The following TRAM2 variants were observed in gnomAD, a reference collection of about 807,000 sequenced individuals.
TRAM2 encodes the protein translocation associated membrane protein 2, also known as translocating chain-associated membrane protein 2.
TRAM2 carries 12 observed loss-of-function variants against 51.0 expected under a neutral mutation model. That is an observed-to-expected ratio of 0.24 (90% CI 0.15 to 0.38). TRAM2 has a LOEUF of 0.38. Among genes scored for constraint, TRAM2 ranks in the 10% least tolerant of loss-of-function variants. The probability of loss-of-function intolerance (pLI) is 1.00; values close to 1 mark genes in which losing one functional copy is unlikely to be tolerated. For missense variants in TRAM2, 361 were observed against 462.0 expected, an observed-to-expected ratio of 0.78 and a Z score of 2.00; for synonymous variants, 175 against 179.4, an observed-to-expected ratio of 0.98 and a Z score of 0.20.
intron 1 of TRAM2, among the ~76,000 whole-genome samples, chr6:52,548,861 A>G (rs1581696268): frequency 6.6e-6 from 1 of 152,342 alleles, no homozygotes; most frequent in East Asian, 1.9e-4. Context: ...GTCTTTATTT[A>G]TCTCCATACC....
At chr6:52,526,152 GACACACACACACACACACAC>G (rs775593303) in intron 2 of TRAM2, among the ~76,000 whole-genome samples, 79 of 28,872 alleles carry the variant, frequency 2.7e-3, no homozygotes, top group Admixed American at 0.013. Flanking sequence ...CACACAGACA[GACACACACACACACACACAC>G]ACACACACAC....
At chr6:52,543,716 A>G (rs1273478536) in intron 1 of TRAM2, among the ~76,000 whole-genome samples, 2 of 152,138 alleles carry the variant, frequency 1.3e-5, no homozygotes, top group African/African-American at 4.8e-5. Context: ...AGAAAGCAAA[A>G]AGAGAGGAGG....
At chr6:52,566,130 C>T (rs1767587499) in intron 1 of TRAM2, among the ~76,000 whole-genome samples, 1 of 152,108 alleles carries the variant, frequency 6.6e-6, no homozygotes, top group South Asian at 2.1e-4. Flanking sequence ...CATACGAAGG[C>T]AATGCAAGAA....
At chr6:52,569,930 C>T (rs894260607) in intron 1 of TRAM2, among the ~76,000 whole-genome samples, 1 of 152,172 alleles carries the variant, frequency 6.6e-6, no homozygotes, top group Non-Finnish European at 1.5e-5. Flanking sequence ...GTGGGCAGAG[C>T]TGTAGAAGAC....
At chr6:52,517,557 C>T (rs943201633) in intron 2 of TRAM2, among the ~76,000 whole-genome samples, 1 of 152,218 alleles carries the variant, frequency 6.6e-6, no homozygotes, top group Non-Finnish European at 1.5e-5. Context: ...TGTGAAACTC[C>T]GCCATTGCAG....
chr6:52,504,810 T>C (rs1021157254), intron 9 of TRAM2, 56 bp from the exon 10 acceptor site: 6 of 1,529,314 alleles, frequency 3.9e-6, no homozygotes, highest in Non-Finnish European at 5.3e-6. Context: ...AGCCTTGGGC[T>C]GGGTTGTGCA....
At chr6:52,543,421 A>G (rs952676253) in intron 1 of TRAM2, among the ~76,000 whole-genome samples, 6 of 152,346 alleles carry the variant, frequency 3.9e-5, no homozygotes, top group Non-Finnish European at 8.8e-5. Context: ...CAGAGTTCAT[A>G]TTACTGGTTG....
chr6:52,513,118 T>C (rs1766480059), intron 4 of TRAM2, among the ~76,000 whole-genome samples: 1 of 152,122 alleles, frequency 6.6e-6, no homozygotes, highest in East Asian at 1.9e-4. Flanking sequence ...CCTATAAAAT[T>C]ATTGGCGGTC....
intron 1 of TRAM2, among the ~76,000 whole-genome samples, chr6:52,569,262 C>T (rs1279923078): frequency 1.3e-5 from 2 of 151,956 alleles, no homozygotes; most frequent in Non-Finnish European, 2.9e-5. Flanking sequence ...TAGTGGCAGG[C>T]ACCTGTAGTC....
intron 1 of TRAM2, among the ~76,000 whole-genome samples, chr6:52,552,014 C>T (rs1307381227): frequency 6.6e-6 from 1 of 152,282 alleles, no homozygotes; most frequent in African/African-American, 2.4e-5. Flanking sequence ...TCAGCGTGAT[C>T]AGACAACACG....
At chr6:52,553,857 A>G (rs771269298) in intron 1 of TRAM2, among the ~76,000 whole-genome samples, 14 of 152,216 alleles carry the variant, frequency 9.2e-5, no homozygotes, top group Non-Finnish European at 1.5e-4. Context: ...TATTCAATAA[A>G]TAACAATTAG....
rs369846441 is a variant in TRAM2 at position 52,576,402 on chromosome 6, G to T, written c.120+394C>A. 4.6e-5 allele frequency among the ~76,000 whole-genome samples: 7 copies of T among 152,346 alleles called. No individual in the cohort carries two copies. The East Asian group carries it at 9.6e-4, about 21-fold the overall frequency. On this transcript the variant is annotated intron_variant, in intron 1 of 10. Coordinates refer to ENST00000182527, the MANE Select transcript of TRAM2 (RefSeq NM_012288.4). ...TAGTGGCCACCCCTTGGGGCAAGAG[G>T]GGGTTGTGCAATGACTGCGGGTCTG...
At chr6:52,504,526 C>T (rs1484795061) in intron 10 of TRAM2, 65 bp downstream of exon 10, 23 of 1,598,430 alleles carry the variant, frequency 1.4e-5, no homozygotes, top group Non-Finnish European at 1.8e-5. Flanking sequence ...GGTGCCTTGG[C>T]TCCTCCCACC....
chr6:52,511,324 C>T (rs138392732), intron 4 of TRAM2, among the ~76,000 whole-genome samples: 1 of 152,300 alleles, frequency 6.6e-6, no homozygotes, highest in African/African-American at 2.4e-5. Context: ...AGGCTGGTCT[C>T]AAACTCCTGA....
rs141065200 is a variant in TRAM2 at position 52,551,534 on chromosome 6, G to C, written c.121-15688C>G. ...GAGGAGAGAAAGTCTGCAAACAAAC[G>C]GGCCACTTATCTCCAGGAGTCTTTC... On this transcript the variant is annotated intron_variant, in intron 1 of 10. Transcript: ENST00000182527. 3.2e-4 allele frequency among the ~76,000 whole-genome samples: 49 copies of C among 152,304 alleles called. No individual in the cohort carries two copies. The East Asian group carries it at 8.7e-3, about 27-fold the overall frequency.
intron 1 of TRAM2, among the ~76,000 whole-genome samples, chr6:52,561,490 T>G (rs1210526116): frequency 1.4e-5 from 2 of 144,364 alleles, no homozygotes; most frequent in Non-Finnish European, 3.0e-5. Context: ...TCTTTTTCTT[T>G]TTTTTTTTTT....
At chr6:52,574,200 G>A (rs143422717) in intron 1 of TRAM2, among the ~76,000 whole-genome samples, 25 of 152,178 alleles carry the variant, frequency 1.6e-4, no homozygotes, top group Non-Finnish European at 2.9e-4. Context: ...GTGATATCCA[G>A]CCAGTCCTGT....
chr6:52,512,240 C>T (rs985669652), intron 4 of TRAM2, among the ~76,000 whole-genome samples: 14 of 152,146 alleles, frequency 9.2e-5, no homozygotes, highest in Non-Finnish European at 1.3e-4. Context: ...CAGAAAATCT[C>T]GTGATTTTAA....
At chr6:52,508,148 G>T in intron 6 of TRAM2, 86 bp downstream of exon 6, 1 of 1,269,522 alleles carries the variant, frequency 7.9e-7, no homozygotes. Context: ...TGCTTCTGGA[G>T]AAAAGGAAGG....
Sources: allele counts gnomAD v4.1 joint callset (sites outside exome capture counted in the v4.1 genomes callset), GRCh38; gene constraint gnomAD v4.1.1; transcripts MANE v1.5; gene names NCBI Gene and HGNC (gene_info 2026-07-23, HGNC 2026-07-21).